The following SBF2 variants were observed in gnomAD, a reference collection of about 807,000 sequenced individuals.
The protein encoded by SBF2 is myotubularin-related protein 13.
In SBF2, 112 loss-of-function variants were observed where a neutral mutation model predicts 225.2. That is an observed-to-expected ratio of 0.50 (90% CI 0.43 to 0.58). SBF2 has a LOEUF of 0.58. Among genes scored for constraint, SBF2 ranks in the 20% least tolerant of loss-of-function variants. The pLI is 0.00. For missense variants in SBF2, 1,996 were observed against 2,206.2 expected (o/e 0.90, Z 1.91); for synonymous variants, 763 against 773.3 (o/e 0.99, Z 0.22).
rs140506552 is a variant in SBF2 at position 10,050,805 on chromosome 11, T to G, written c.142-7824A>C. Among the ~76,000 whole-genome samples, 95 of 152,224 alleles carry G rather than the reference T, an allele frequency of 6.2e-4. 1 individual carries two copies. The highest frequency in any genetic ancestry group is 1.1e-3 in the Non-Finnish European group (76 of 67,972). ...ACAAAGGGATGATGCATATCCCAGG[T>G]GGGATGGTGTGAGATTTCATCATAC... On this transcript the variant is annotated intron_variant, in intron 2 of 39. Coordinates refer to ENST00000256190, the MANE Select transcript of SBF2 (RefSeq NM_030962.4).
At chr11:10,176,139 C>G (rs1312070512) in intron 2 of SBF2, among the ~76,000 whole-genome samples, 38 of 125,796 alleles carry the variant, frequency 3.0e-4, no homozygotes, top group Non-Finnish European at 6.1e-4. Context: ...TCTTTGAAAC[C>G]AACGAGAACA....
In SBF2 at chr11:10,294,104, G is replaced by GTCGCCGCCC. The variant is rs1046217148; in HGVS notation, c.-44_-36dup. The GTCGCCGCCC allele has an allele frequency of 2.9e-5, 39 of 1,323,474 alleles. No homozygotes were observed. The highest frequency in any genetic ancestry group is 3.7e-5 in the Non-Finnish European group (38 of 1,038,124). The allele number at this position is 1,323,474 out of a possible 1,614,324, so 82.0% of individuals were successfully genotyped here. On this transcript the variant is annotated 5_prime_UTR_variant, in exon 1 of 40. Transcript: ENST00000256190. ...CGCCGCGCTCGGGAAGCGGGTCCCC[G>GTCGCCGCCC]TCGCCGCCCTCGCCGCCGCCGCCCA...
At chr11:9,987,787 A>C (rs1947262282) in intron 13 of SBF2, among the ~76,000 whole-genome samples, 1 of 152,218 alleles carries the variant, frequency 6.6e-6, no homozygotes, top group Non-Finnish European at 1.5e-5. Flanking sequence ...ACAAATGGAA[A>C]CACATCCCAT....
At chr11:10,300,272 ATGTT>A (rs1964582536) in intron 1 of SBF2, among the ~76,000 whole-genome samples, 1 of 152,224 alleles carries the variant, frequency 6.6e-6, no homozygotes, top group Non-Finnish European at 1.5e-5. Context: ...TGATTACTGT[ATGTT>A]GAGAACTTAG....
intron 28 of SBF2, chr11:9,828,708 A>C: frequency 5.8e-6 from 5 of 857,644 alleles, no homozygotes; most frequent in Non-Finnish European, 7.0e-6. Flanking sequence ...GAAAATCATA[A>C]TAGGCTGCAG....
chr11:10,114,009 C>CT (rs1953009355), intron 2 of SBF2, among the ~76,000 whole-genome samples: 2 of 151,412 alleles, frequency 1.3e-5, no homozygotes, highest in Non-Finnish European at 3.0e-5. Context: ...GTGTATTTCT[C>CT]TTATTTATTG....
chr11:9,821,564 C>T (rs1169442248), intron 28 of SBF2, among the ~76,000 whole-genome samples: 1 of 152,138 alleles, frequency 6.6e-6, no homozygotes, highest in Admixed American at 6.5e-5. Flanking sequence ...ACTTAGATTT[C>T]CTGAATGATT....
intron 2 of SBF2, among the ~76,000 whole-genome samples, chr11:10,088,931 G>T (rs374247256): frequency 6.6e-4 from 100 of 152,236 alleles, no homozygotes; most frequent in African/African-American, 2.1e-3. Context: ...GCATATAGTG[G>T]TTGTTCAATA....
intron 32 of SBF2, among the ~76,000 whole-genome samples, chr11:9,796,778 A>G (rs1291376352): frequency 1.3e-5 from 2 of 152,174 alleles, no homozygotes; most frequent in African/African-American, 4.8e-5. Flanking sequence ...TTTTAGCCCT[A>G]ATTTTTCATC....
intron 28 of SBF2, among the ~76,000 whole-genome samples, chr11:9,822,859 C>CG (rs34295497): frequency 0.22 from 34,064 of 152,054 alleles, 5,016 homozygotes; most frequent in Non-Finnish European, 0.31. Flanking sequence ...AATATATCTG[C>CG]ACTGATACGA....
intron 1 of SBF2, among the ~76,000 whole-genome samples, chr11:10,196,871 T>TTA (rs1957394583): frequency 7.1e-6 from 1 of 140,716 alleles, no homozygotes; most frequent in Non-Finnish European, 1.5e-5. Context: ...TATATATTTT[T>TTA]TTTTTCCTAC....
intron 16 of SBF2, among the ~76,000 whole-genome samples, chr11:9,951,237 A>G (rs1304740221): frequency 6.6e-6 from 1 of 152,230 alleles, no homozygotes; most frequent in African/African-American, 2.4e-5. Context: ...GAACGATGAG[A>G]CTGTAGATAT....
At chr11:9,828,140 C>A (rs1855173163) in intron 28 of SBF2, 2 of 1,289,146 alleles carry the variant, frequency 1.6e-6, no homozygotes, top group Non-Finnish European at 2.0e-6. Context: ...TTGAGCAAAG[C>A]TATTGGATGG....
intron 27 of SBF2, among the ~76,000 whole-genome samples, chr11:9,830,853 T>A (rs922450594): frequency 6.6e-6 from 1 of 151,996 alleles, no homozygotes; most frequent in Non-Finnish European, 1.5e-5. Flanking sequence ...TATAGTAAAT[T>A]TAAATTAGAT....
intron 16 of SBF2, among the ~76,000 whole-genome samples, chr11:9,935,083 A>C (rs556137644): frequency 7.2e-5 from 11 of 152,334 alleles, no homozygotes; most frequent in African/African-American, 2.6e-4. Flanking sequence ...AAATCTCCTT[A>C]AGCTGATAAG....
intron 18 of SBF2, 52 bp downstream of exon 18, chr11:9,858,174 T>G: frequency 6.2e-7 from 1 of 1,607,786 alleles, no homozygotes; most frequent in Non-Finnish European, 8.5e-7. Flanking sequence ...CTGCTTTCCT[T>G]AAAGCCAGAA....
chr11:9,803,570 G>C (rs1853614189), intron 32 of SBF2, among the ~76,000 whole-genome samples: 1 of 152,148 alleles, frequency 6.6e-6, no homozygotes. Context: ...TTTGAGGACA[G>C]TGTATCTTAC....
intron 3 of SBF2, among the ~76,000 whole-genome samples, chr11:10,034,681 A>G (rs1231684111): frequency 6.6e-6 from 1 of 152,232 alleles, no homozygotes; most frequent in Non-Finnish European, 1.5e-5. Flanking sequence ...GGAGGATAAA[A>G]TTAATTCCAC....
intron 2 of SBF2, among the ~76,000 whole-genome samples, chr11:10,187,842 A>G (rs1286984586): frequency 6.6e-6 from 1 of 152,234 alleles, no homozygotes; most frequent in Non-Finnish European, 1.5e-5. Context: ...AATTCAGAAA[A>G]AATTAACTTC....
Sources: allele counts gnomAD v4.1 joint callset (sites outside exome capture counted in the v4.1 genomes callset), GRCh38; gene constraint gnomAD v4.1.1; transcripts MANE v1.5; gene names NCBI Gene and HGNC (gene_info 2026-07-23, HGNC 2026-07-21).